CTNND2: variants seen among roughly 807,000 people sequenced by gnomAD.
CTNND2 encodes catenin delta-2.
Under a neutral mutation model 144.4 loss-of-function variants are expected in CTNND2, and 22 were observed. That is an observed-to-expected ratio of 0.15 (90% confidence interval 0.11 to 0.22). CTNND2 has a LOEUF of 0.22. Among genes scored for constraint, CTNND2 ranks in the 10% least tolerant of loss-of-function variants. CTNND2 has a pLI of 1.00. For missense variants in CTNND2, 1,353 were observed against 1,618.8 expected (o/e 0.84, Z 2.82); for synonymous variants, 751 against 695.6 (o/e 1.08, Z -1.25).
chr5:11,245,202 G>A (rs1742870851), intron 9 of CTNND2, among the ~76,000 whole-genome samples: 1 of 152,176 alleles, frequency 6.6e-6, no homozygotes, highest in African/African-American at 2.4e-5. Context: ...TAGGGGGCAG[G>A]GATCTGAGAC....
At chr5:11,357,934 G>GTT (rs1263838634) in intron 8 of CTNND2, among the ~76,000 whole-genome samples, 1 of 152,114 alleles carries the variant, frequency 6.6e-6, no homozygotes, top group Non-Finnish European at 1.5e-5. Context: ...ATCTGCTAAT[G>GTT]TGTAATTATG....
chr5:11,810,262 T>C (rs1792251941), intron 1 of CTNND2, among the ~76,000 whole-genome samples: 1 of 152,230 alleles, frequency 6.6e-6, no homozygotes, highest in Non-Finnish European at 1.5e-5. Flanking sequence ...ATTGCTAAGA[T>C]TATGACGTAA....
At chr5:11,629,298 A>G (rs1781306356) in intron 2 of CTNND2, among the ~76,000 whole-genome samples, 1 of 152,174 alleles carries the variant, frequency 6.6e-6, no homozygotes, top group Admixed American at 6.5e-5. Flanking sequence ...CATGCAAGAG[A>G]CAATAAGCCT....
At chr5:11,375,062 G>A (rs905265597) in intron 7 of CTNND2, among the ~76,000 whole-genome samples, 8 of 152,062 alleles carry the variant, frequency 5.3e-5, no homozygotes, top group African/African-American at 1.9e-4. Context: ...ACATGTAAAC[G>A]AAGATGTTTT....
intron 3 of CTNND2, among the ~76,000 whole-genome samples, chr5:11,523,553 G>A (rs1772947515): frequency 6.6e-6 from 1 of 152,172 alleles, no homozygotes; most frequent in African/African-American, 2.4e-5. Context: ...TAGTGGTTCA[G>A]TACAGAGTAC....
intron 9 of CTNND2, among the ~76,000 whole-genome samples, chr5:11,249,698 A>C (rs1743365053): frequency 6.6e-6 from 1 of 152,186 alleles, no homozygotes; most frequent in East Asian, 1.9e-4. Flanking sequence ...TTCATGGATT[A>C]CATTAGATTG....
intron 2 of CTNND2, among the ~76,000 whole-genome samples, chr5:11,585,918 C>G (rs1778827483): frequency 6.6e-6 from 1 of 151,914 alleles, no homozygotes; most frequent in South Asian, 2.1e-4. Context: ...GTTCTAGGGG[C>G]ATGTTCTAGG....
intron 2 of CTNND2, among the ~76,000 whole-genome samples, chr5:11,653,359 G>T (rs1394560368): frequency 1.3e-5 from 2 of 151,952 alleles, no homozygotes; most frequent in Non-Finnish European, 1.5e-5. Context: ...TCAGTCTCAT[G>T]ATGAGGGTTC....
intron 16 of CTNND2, among the ~76,000 whole-genome samples, chr5:11,073,617 G>C (rs150224827): frequency 6.6e-6 from 1 of 151,958 alleles, no homozygotes; most frequent in African/African-American, 2.4e-5. Flanking sequence ...TTATCTTCCC[G>C]ACCCAGCTGC....
In CTNND2 at chr5:11,234,415, T is replaced by A. The variant is rs558937160; in HGVS notation, c.1761+2276A>T. ...AGATTCTACAGAGAAGGTATCAGTA[T>A]CTTCATTTTAAAGATTAGAAAAGAG... On this transcript the variant is annotated intron_variant, in intron 10 of 21. Coordinates refer to ENST00000304623, the MANE Select transcript of CTNND2 (RefSeq NM_001332.4). Among the ~76,000 whole-genome samples the A allele has an allele frequency of 2.0e-5, 3 of 152,322 alleles. No individual in the cohort carries two copies. In the South Asian group the frequency reaches 6.2e-4, roughly 32 times the overall value.
chr5:11,610,307 T>C (rs796210239), intron 2 of CTNND2, among the ~76,000 whole-genome samples: 15 of 152,218 alleles, frequency 9.9e-5, no homozygotes, highest in African/African-American at 3.4e-4. Flanking sequence ...TCTCGCCTCA[T>C]ACACTGTAGC....
chr5:11,714,296 G>A (rs975982827), intron 2 of CTNND2, among the ~76,000 whole-genome samples: 1 of 151,990 alleles, frequency 6.6e-6, no homozygotes, highest in Non-Finnish European at 1.5e-5. Flanking sequence ...TATTTTCCTA[G>A]GGATAATGAC....
At chr5:11,268,939 G>A (rs1745729430) in intron 9 of CTNND2, among the ~76,000 whole-genome samples, 1 of 152,158 alleles carries the variant, frequency 6.6e-6, no homozygotes. Flanking sequence ...GAAGAGATAG[G>A]GAATGTTAGT....
intron 8 of CTNND2, among the ~76,000 whole-genome samples, chr5:11,362,094 T>C (rs960891817): frequency 1.3e-5 from 2 of 152,154 alleles, no homozygotes; most frequent in African/African-American, 4.8e-5. Context: ...TTCAAGGAGT[T>C]AGGGTGTCTG....
intron 3 of CTNND2, among the ~76,000 whole-genome samples, chr5:11,480,646 A>ATGTGTGTGTGTGTGTG (rs58951106): frequency 2.0e-3 from 300 of 149,152 alleles, no homozygotes; most frequent in African/African-American, 5.5e-3. Context: ...AAATACATAT[A>ATGTGTGTGTGTGTGTG]TGTGTGTGTG....
chr5:11,495,992 TCTC>T (rs1201486510), intron 3 of CTNND2, among the ~76,000 whole-genome samples: 2 of 152,116 alleles, frequency 1.3e-5, no homozygotes, highest in Non-Finnish European at 2.9e-5. Context: ...TTATAATTCT[TCTC>T]CTTTCCTCAC....
At chr5:11,642,858 T>C (rs1201813564) in intron 2 of CTNND2, among the ~76,000 whole-genome samples, 1 of 152,268 alleles carries the variant, frequency 6.6e-6, no homozygotes, top group African/African-American at 2.4e-5. Context: ...CCGTGGTTAC[T>C]GTGAAGTTCT....
intron 20 of CTNND2, chr5:10,986,598 C>A: frequency 2.3e-6 from 1 of 436,084 alleles, no homozygotes; most frequent in Non-Finnish European, 4.5e-6. Context: ...TTCATCTACG[C>A]GGCAACATGT....
At chr5:11,852,450 A>G (rs1013994226) in intron 1 of CTNND2, among the ~76,000 whole-genome samples, 1 of 152,254 alleles carries the variant, frequency 6.6e-6, no homozygotes, top group Non-Finnish European at 1.5e-5. Context: ...GAGAGAACTG[A>G]GAAAAATACT....
Sources: gnomAD v4.1 joint callset for allele counts (sites outside exome capture counted in the v4.1 genomes callset) on GRCh38, gnomAD v4.1.1 for gene constraint, MANE v1.5 for transcripts, NCBI Gene and HGNC (gene_info 2026-07-23, HGNC 2026-07-21) for gene names.